ATP8B1: variants seen among roughly 807,000 people sequenced by gnomAD.
The protein encoded by ATP8B1 is ATPase phospholipid transporting 8B1, also known as phospholipid-transporting ATPase IC.
ATP8B1 carries 80 observed loss-of-function variants against 149.9 expected under a neutral mutation model. The observed-to-expected ratio is 0.53, with a 90% CI of 0.45 to 0.64. The LOEUF (loss-of-function observed/expected upper bound fraction) is 0.64. Among genes scored for constraint, ATP8B1 ranks in the 30% least tolerant of loss-of-function variants. The pLI, the probability that ATP8B1 is intolerant of heterozygous loss-of-function variation, is 0.00. For synonymous variants in ATP8B1, 536 were observed against 562.8 expected (o/e 0.95, Z 0.67); for missense variants, 1,247 against 1,552.6 (o/e 0.80, Z 3.31).
chr18:57,725,214 C>T (rs1346398435), intron 2 of ATP8B1, among the ~76,000 whole-genome samples: 2 of 131,396 alleles, frequency 1.5e-5, no homozygotes, highest in Non-Finnish European at 3.2e-5. Flanking sequence ...AACTAACCTG[C>T]ACAATGTGCA....
intron 15 of ATP8B1, among the ~76,000 whole-genome samples, chr18:57,683,123 T>C (rs937053265): frequency 6.6e-6 from 1 of 152,190 alleles, no homozygotes; most frequent in Non-Finnish European, 1.5e-5. Flanking sequence ...CCACCAAGCG[T>C]TGGCCTACAC....
chr18:57,690,975 GACC>G (rs1700643422), intron 12 of ATP8B1, among the ~76,000 whole-genome samples: 1 of 152,066 alleles, frequency 6.6e-6, no homozygotes, highest in Non-Finnish European at 1.5e-5. Context: ...AGGAGTTGAA[GACC>G]AGCCTGGCCA....
At chr18:57,704,964 A>T (rs1424367296) in intron 3 of ATP8B1, among the ~76,000 whole-genome samples, 4 of 152,130 alleles carry the variant, frequency 2.6e-5, no homozygotes, top group African/African-American at 7.2e-5. Flanking sequence ...TGCACCTGTA[A>T]TCCCAGATAC....
chr18:57,713,615 C>T (rs1913844349), intron 2 of ATP8B1, among the ~76,000 whole-genome samples: 1 of 151,312 alleles, frequency 6.6e-6, no homozygotes, highest in African/African-American at 2.4e-5. Context: ...CTCAGCCTCC[C>T]GAGTAGCTGG....
chr18:57,669,390 A>G lies in ATP8B1; in HGVS notation c.2025T>C (p.Ala675=), dbSNP rs1161363961. ...EFTEWNKKFM[A]ASVASTNRDE... is the part of the protein sequence containing the mutation. ...CCCGGTTGGTGGAGGCCACACTGGC[A>G]GCCATAAACTTTTTATTCCATTCTG... Residue 675 remains alanine (A), a synonymous_variant, in exon 18 of 28, where the codon GCT becomes GCC. Coordinates refer to ENST00000648908, the MANE Select transcript of ATP8B1 (RefSeq NM_001374385.1). 6.2e-7 allele frequency: 1 copy of G among 1,614,022 alleles called. No homozygotes were observed. Among genetic ancestry groups the G allele is most frequent in the East Asian group, 2.2e-5 (1 of 44,858 alleles).
chr18:57,683,736 A>G (rs1190661433), intron 15 of ATP8B1, among the ~76,000 whole-genome samples: 1 of 152,224 alleles, frequency 6.6e-6, no homozygotes, highest in Non-Finnish European at 1.5e-5. Context: ...AAGAAAAGTT[A>G]GTTTCTTCTA....
chr18:57,717,270 G>T (rs2079591214), intron 2 of ATP8B1, among the ~76,000 whole-genome samples: 1 of 152,044 alleles, frequency 6.6e-6, no homozygotes, highest in Non-Finnish European at 1.5e-5. Context: ...CTAGAGCCAG[G>T]TGCAGTGGCT....
chr18:57,650,416 A>G lies in ATP8B1; in HGVS notation c.3482T>C (p.Val1161Ala), dbSNP rs1255793857. 1 of 1,614,044 alleles carries G rather than the reference A, an allele frequency of 6.2e-7. No homozygotes were observed. The change falls in exon 27 of 28, where the codon GTT becomes GCT. Residue 1161 changes from valine (V) to alanine (A), a missense_variant. Val to Ala is a moderately conservative substitution (Grantham distance 64, BLOSUM62 0). This residue lies in a region of ATP8B1 where 164 missense variants were observed against 160.3 expected (regional missense o/e 1.02). Coordinates refer to ENST00000648908, the MANE Select transcript of ATP8B1 (RefSeq NM_001374385.1). ...LAVAVCLLPV[V>A]AIRFLSMTIW... ...GGTCATTGACAGGAATCGAATGGCA[A>G]CGACGGGTAGTAAGCACACAGCAAC...
At chr18:57,701,002 A>G in intron 6 of ATP8B1, 37 bp downstream of exon 6, 4 of 1,564,364 alleles carry the variant, frequency 2.6e-6, no homozygotes, top group Non-Finnish European at 3.5e-6. Flanking sequence ...GTTATGCATT[A>G]CATCCTTGAA....
Position 57,648,309 on chromosome 18 carries a change from C to CTAT in ATP8B1, c.*176_*178dup. The CTAT allele has an allele frequency of 3.8e-6, 3 of 799,006 alleles. No individual in the cohort carries two copies. The highest frequency in any genetic ancestry group is 6.2e-6 in the Non-Finnish European group (3 of 486,996). 49.5% of individuals were successfully genotyped at this position (799,006 alleles called of 1,614,324 possible). On this transcript the variant is annotated 3_prime_UTR_variant, in exon 28 of 28. Coordinates refer to ENST00000648908, the MANE Select transcript of ATP8B1 (RefSeq NM_001374385.1). ...CCGAATAATAGGACTTTTAAAAGTC[C>CTAT]TATTTCTTGGCTCTGCTATTGTTTA... is the stretch of plus-strand genomic sequence containing the variant.
intron 20 of ATP8B1, among the ~76,000 whole-genome samples, chr18:57,666,260 C>A (rs1910848964): frequency 6.6e-6 from 1 of 152,156 alleles, no homozygotes; most frequent in Non-Finnish European, 1.5e-5. Flanking sequence ...TCCAGGTCTG[C>A]TGCGACTCTG....
chr18:57,668,738 T>G, intron 18 of ATP8B1, 198 bp from the exon 19 acceptor site: 1 of 522,288 alleles, frequency 1.9e-6, no homozygotes, highest in Non-Finnish European at 3.3e-6. Context: ...CCTAAAAACT[T>G]TTTCCCTAAA....
At chr18:57,771,351 C>T (rs1047008701) in intron 1 of ATP8B1, among the ~76,000 whole-genome samples, 1 of 152,136 alleles carries the variant, frequency 6.6e-6, no homozygotes. Context: ...TTTTATTAAG[C>T]GTGATATAGT....
At chr18:57,665,608 A>G (rs1352192085) in intron 20 of ATP8B1, among the ~76,000 whole-genome samples, 2 of 151,786 alleles carry the variant, frequency 1.3e-5, no homozygotes, top group Non-Finnish European at 2.9e-5. Context: ...GCAGGAGTGT[A>G]GTGGCACTAT....
At chr18:57,755,638 C>T (rs554908463) in intron 1 of ATP8B1, 1 of 152,344 alleles carries the variant, frequency 6.6e-6, no homozygotes, top group South Asian at 2.1e-4. Context: ...ATCCCAGGCT[C>T]TGGTCAGCTG....
At chr18:57,769,966 C>A (rs2080250445) in intron 1 of ATP8B1, among the ~76,000 whole-genome samples, 1 of 152,070 alleles carries the variant, frequency 6.6e-6, no homozygotes, top group African/African-American at 2.4e-5. Context: ...GGTCAAGAAA[C>A]TTGTCCATGG....
Position 57,772,675 on chromosome 18 carries a change from G to A in ATP8B1, c.-26+30323C>T, listed in dbSNP as rs145442368. On this transcript the variant is annotated intron_variant, in intron 1 of 27. Transcript: ENST00000648908. Reference sequence around the variant, plus strand: ...ATTCAGTCAGCTGCTGGTGAGCAACGTGGCTCCTGTCCCTATGAAGCTTAA... The same window carrying A: ...ATTCAGTCAGCTGCTGGTGAGCAACATGGCTCCTGTCCCTATGAAGCTTAA... Among the ~76,000 whole-genome samples, 1,065 of 152,276 alleles carry A rather than the reference G, an allele frequency of 7.0e-3. 14 individuals carry two copies. The highest frequency in any genetic ancestry group is 0.024 in the African/African-American group (1,006 of 41,552).
chr18:57,700,927 A>T, intron 6 of ATP8B1, 112 bp downstream of exon 6: 1 of 1,192,658 alleles, frequency 8.4e-7, no homozygotes, highest in Non-Finnish European at 1.2e-6. Flanking sequence ...GAAAAAAATA[A>T]ACAGTTAATG....
chr18:57,664,809 G>C (rs1245597770), intron 20 of ATP8B1, among the ~76,000 whole-genome samples: 1 of 152,152 alleles, frequency 6.6e-6, no homozygotes, highest in East Asian at 1.9e-4. Context: ...GATGTGATTT[G>C]CCTGCTGCAG....
Sources: gnomAD v4.1 joint callset for allele counts (sites outside exome capture counted in the v4.1 genomes callset) on GRCh38, gnomAD v4.1.1 for gene constraint, gnomAD v4.1.1 regional missense constraint, MANE v1.5 for transcripts, NCBI Gene and HGNC (gene_info 2026-07-23, HGNC 2026-07-21) for gene names.